AGBL1: variants seen among roughly 807,000 people sequenced by gnomAD.
The protein encoded by AGBL1 is cytosolic carboxypeptidase 4.
Under a neutral mutation model 118.9 loss-of-function variants are expected in AGBL1, and 130 were observed. The ratio of observed to expected loss-of-function variants is 1.09; its 90% CI spans 0.95 to 1.26. The LOEUF (loss-of-function observed/expected upper bound fraction) is 1.26, where lower values mean the gene tolerates loss of function less well. Among genes scored for constraint, AGBL1 ranks in the 50% most tolerant of loss-of-function variants. The pLI is 0.00. For missense variants in AGBL1, 1,584 were observed against 1,298.1 expected (o/e 1.22, Z -3.38); for synonymous variants, 555 against 478.9 (o/e 1.16, Z -2.08).
At chr15:86,484,342 G>T (rs557798339) in intron 18 of AGBL1, among the ~76,000 whole-genome samples, 2 of 152,000 alleles carry the variant, frequency 1.3e-5, no homozygotes, top group African/African-American at 4.8e-5. Context: ...GGAGGGCAGC[G>T]AATCATTTTT....
chr15:86,936,696 A>T (rs2080680130), intron 23 of AGBL1, among the ~76,000 whole-genome samples: 2 of 152,230 alleles, frequency 1.3e-5, no homozygotes, highest in South Asian at 4.1e-4. Context: ...AACTGTAAAA[A>T]ATCCTGGAAG....
At chr15:87,027,620 A>C (rs1223458441) in intron 24 of AGBL1, among the ~76,000 whole-genome samples, 1 of 152,038 alleles carries the variant, frequency 6.6e-6, no homozygotes, top group Non-Finnish European at 1.5e-5. Flanking sequence ...TAGCGAAGAC[A>C]TGGAATCAAC....
At chr15:86,207,367 A>G (rs1267040915) in intron 5 of AGBL1, among the ~76,000 whole-genome samples, 1 of 152,170 alleles carries the variant, frequency 6.6e-6, no homozygotes, top group East Asian at 1.9e-4. Context: ...TGGTAGCTTG[A>G]TGGGGATGGC....
At chr15:86,803,240 T>G (rs2078674900) in intron 22 of AGBL1, among the ~76,000 whole-genome samples, 1 of 152,086 alleles carries the variant, frequency 6.6e-6, no homozygotes, top group Admixed American at 6.6e-5. Context: ...CCCGTGCTGT[T>G]CTTGTGATAG....
At chr15:86,356,964 T>C (rs2080731487) in intron 17 of AGBL1, among the ~76,000 whole-genome samples, 1 of 152,248 alleles carries the variant, frequency 6.6e-6, no homozygotes, top group African/African-American at 2.4e-5. Flanking sequence ...AAAACAATTC[T>C]ATTCCCATGT....
At chr15:86,269,479 A>G (rs974397794) in intron 13 of AGBL1, among the ~76,000 whole-genome samples, 5 of 152,200 alleles carry the variant, frequency 3.3e-5, no homozygotes, top group Non-Finnish European at 7.3e-5. Flanking sequence ...TAGTTTAATA[A>G]AAAGGTGTGC....
At chr15:86,527,501 T>A (rs777776647) in intron 19 of AGBL1, among the ~76,000 whole-genome samples, 9 of 152,180 alleles carry the variant, frequency 5.9e-5, no homozygotes, top group African/African-American at 2.2e-4. Flanking sequence ...GGGCTCAACA[T>A]CACCTTTTAG....
chr15:86,404,950 C>T (rs1211832864), intron 18 of AGBL1, among the ~76,000 whole-genome samples: 2 of 152,066 alleles, frequency 1.3e-5, no homozygotes, highest in Non-Finnish European at 2.9e-5. Context: ...GAAAAATGGG[C>T]CCTTAAGGGA....
chr15:86,504,084 C>A (rs2142164861), intron 18 of AGBL1, among the ~76,000 whole-genome samples: 1 of 151,778 alleles, frequency 6.6e-6, no homozygotes, highest in Admixed American at 6.6e-5. Context: ...GTTATTCCTT[C>A]ATGTATGATG....
At chr15:86,819,329 A>C (rs1271344355) in intron 22 of AGBL1, among the ~76,000 whole-genome samples, 1 of 152,112 alleles carries the variant, frequency 6.6e-6, no homozygotes, top group East Asian at 1.9e-4. Flanking sequence ...GGTTCTATTA[A>C]GTGATTACTA....
At chr15:86,122,611 A>C (rs1433868313) in intron 1 of AGBL1, among the ~76,000 whole-genome samples, 1 of 152,146 alleles carries the variant, frequency 6.6e-6, no homozygotes, top group Non-Finnish European at 1.5e-5. Flanking sequence ...CATCTAATTA[A>C]AAAAAATCAG....
intron 22 of AGBL1, among the ~76,000 whole-genome samples, chr15:86,793,309 A>C (rs781302269): frequency 3.3e-5 from 5 of 152,222 alleles, no homozygotes; most frequent in Non-Finnish European, 5.9e-5. Flanking sequence ...AGTGAAATAG[A>C]ATTGATAATC....
chr15:86,869,523 T>TG (rs2079688435), intron 22 of AGBL1, among the ~76,000 whole-genome samples: 1 of 152,152 alleles, frequency 6.6e-6, no homozygotes, highest in Non-Finnish European at 1.5e-5. Context: ...GAGAAGAACT[T>TG]GGGGCACAGT....
intron 24 of AGBL1, among the ~76,000 whole-genome samples, chr15:86,998,349 T>C (rs2081399159): frequency 6.6e-6 from 1 of 152,104 alleles, no homozygotes; most frequent in African/African-American, 2.4e-5. Context: ...GGACAAGAAA[T>C]TGAGGGCAGC....
chr15:86,466,040 A>G, intron 18 of AGBL1, among the ~76,000 whole-genome samples: 1 of 152,068 alleles, frequency 6.6e-6, no homozygotes, highest in East Asian at 1.9e-4. Flanking sequence ...CCAGCTGTAA[A>G]ATTTCTTTCT....
intron 24 of AGBL1, among the ~76,000 whole-genome samples, chr15:87,019,953 T>C (rs565612817): frequency 5.9e-5 from 9 of 151,662 alleles, no homozygotes; most frequent in Non-Finnish European, 1.2e-4. Flanking sequence ...CACAGAAATA[T>C]AAACAACCAT....
intron 23 of AGBL1, among the ~76,000 whole-genome samples, chr15:86,945,991 T>C (rs1227933431): frequency 6.6e-6 from 1 of 152,232 alleles, no homozygotes; most frequent in Non-Finnish European, 1.5e-5. Context: ...ACAGGTATTA[T>C]AATTCTCATT....
intron 24 of AGBL1, among the ~76,000 whole-genome samples, chr15:87,009,538 A>G (rs60360898): frequency 0.099 from 15,082 of 152,274 alleles, 1,333 homozygotes; most frequent in African/African-American, 0.23. Context: ...CCACTGGGGC[A>G]CTGCCCAGTG....
chr15:86,943,977 C>T (rs899815288), intron 23 of AGBL1, among the ~76,000 whole-genome samples: 10 of 152,056 alleles, frequency 6.6e-5, no homozygotes, highest in African/African-American at 2.4e-4. Flanking sequence ...TTTTGGACCA[C>T]GAACTTTCTC....
Sources: gnomAD v4.1 joint callset for allele counts (sites outside exome capture counted in the v4.1 genomes callset) on GRCh38, gnomAD v4.1.1 for gene constraint, MANE v1.5 for transcripts, NCBI Gene and HGNC (gene_info 2026-07-23, HGNC 2026-07-21) for gene names.